The following KCNJ3 variants were observed in gnomAD, a reference collection of about 807,000 sequenced individuals.
KCNJ3 encodes potassium inwardly rectifying channel subfamily J member 3, also known as G protein-activated inward rectifier potassium channel 1.
A neutral mutation model predicts 39.2 loss-of-function variants in KCNJ3; 4 were observed. The observed-to-expected ratio is 0.10, with a 90% CI of 0.05 to 0.23. KCNJ3 has a LOEUF of 0.23. KCNJ3 is among the 10% of genes least tolerant of loss of function. KCNJ3 has a pLI of 1.00. For missense variants in KCNJ3, 276 were observed against 634.9 expected, an observed-to-expected ratio of 0.43 and a Z score of 6.08; for synonymous variants, 230 against 237.4, an observed-to-expected ratio of 0.97 and a Z score of 0.29.
chr2:154,807,874 G>A (rs1686939246), intron 2 of KCNJ3, among the ~76,000 whole-genome samples: 1 of 152,040 alleles, frequency 6.6e-6, no homozygotes, highest in Non-Finnish European at 1.5e-5. Context: ...AAGACAAAAA[G>A]ATCGTTAGTG....
intron 2 of KCNJ3, among the ~76,000 whole-genome samples, chr2:154,828,309 G>A (rs372000464): frequency 2.0e-5 from 3 of 152,258 alleles, no homozygotes; most frequent in African/African-American, 7.2e-5. Context: ...GATATTAAAA[G>A]CTTTAGATAT....
At chr2:154,752,320 A>G (rs977973620) in intron 2 of KCNJ3, among the ~76,000 whole-genome samples, 6 of 152,068 alleles carry the variant, frequency 3.9e-5, no homozygotes. Flanking sequence ...GATGGAAAAA[A>G]ATCAAATCCA....
intron 2 of KCNJ3, among the ~76,000 whole-genome samples, chr2:154,837,270 A>AAAGT (rs35156235): frequency 0.69 from 104,531 of 151,494 alleles, 38,326 homozygotes; most frequent in East Asian, 0.94. Context: ...TTTTTGTGCA[A>AAAGT]AATTCATGAT....
intron 2 of KCNJ3, among the ~76,000 whole-genome samples, chr2:154,739,698 T>G (rs1001672241): frequency 6.6e-6 from 1 of 152,046 alleles, no homozygotes; most frequent in Non-Finnish European, 1.5e-5. Flanking sequence ...ATTGTTTTAA[T>G]ATGGGCAGGG....
At chr2:154,762,186 C>T (rs758603728) in intron 2 of KCNJ3, among the ~76,000 whole-genome samples, 1 of 152,070 alleles carries the variant, frequency 6.6e-6, no homozygotes, top group Non-Finnish European at 1.5e-5. Context: ...TTGATTTAAG[C>T]CATTAAGTTT....
At chr2:154,758,173 G>A (rs774964981) in intron 2 of KCNJ3, among the ~76,000 whole-genome samples, 3 of 152,080 alleles carry the variant, frequency 2.0e-5, no homozygotes, top group Non-Finnish European at 4.4e-5. Context: ...AGGGCTTTTG[G>A]TGGGGAATCT....
chr2:154,721,911 T>C (rs1685268485), intron 2 of KCNJ3, among the ~76,000 whole-genome samples: 1 of 152,190 alleles, frequency 6.6e-6, no homozygotes, highest in Non-Finnish European at 1.5e-5. Context: ...TCATTACCAA[T>C]AATGTTTCAG....
intron 2 of KCNJ3, among the ~76,000 whole-genome samples, chr2:154,785,151 A>G (rs1390201727): frequency 6.6e-6 from 1 of 152,204 alleles, no homozygotes; most frequent in Non-Finnish European, 1.5e-5. Context: ...GCTAAATAAA[A>G]TGTGTAATTT....
chr2:154,843,553 C>G (rs1687615285), intron 2 of KCNJ3, among the ~76,000 whole-genome samples: 1 of 152,154 alleles, frequency 6.6e-6, no homozygotes, highest in Non-Finnish European at 1.5e-5. Context: ...GTTCCATTCT[C>G]CCCATCACTT....
Position 154,795,094 on chromosome 2 carries a change from G to A in KCNJ3, c.920-59633G>A, listed in dbSNP as rs1686699827. On this transcript the variant is annotated intron_variant, in intron 2 of 2. Transcript: ENST00000295101. Reference sequence around the variant, plus strand: ...TAAGGAATCTTCATCAAGGAAAACTGTTCTCTTAGTAACATTTACATGTAT... The same window carrying A: ...TAAGGAATCTTCATCAAGGAAAACTATTCTCTTAGTAACATTTACATGTAT... 2.0e-5 allele frequency among the ~76,000 whole-genome samples: 3 copies of A among 152,080 alleles called. No homozygotes were observed. The South Asian group carries it at 6.2e-4, about 32-fold the overall frequency.
At chr2:154,816,740 T>A (rs1022120223) in intron 2 of KCNJ3, among the ~76,000 whole-genome samples, 1 of 152,172 alleles carries the variant, frequency 6.6e-6, no homozygotes, top group African/African-American at 2.4e-5. Flanking sequence ...TCAGTTTATG[T>A]AAGCCTTAGG....
intron 2 of KCNJ3, among the ~76,000 whole-genome samples, chr2:154,733,619 A>G (rs1032767452): frequency 6.6e-6 from 1 of 152,154 alleles, no homozygotes; most frequent in Non-Finnish European, 1.5e-5. Flanking sequence ...TGAAAGGTTG[A>G]AGCCCCAAAG....
At chr2:154,742,754 CTCTA>C (rs1685673619) in intron 2 of KCNJ3, among the ~76,000 whole-genome samples, 3 of 151,766 alleles carry the variant, frequency 2.0e-5, no homozygotes, top group Admixed American at 6.6e-5. Context: ...TAGGAATTCT[CTCTA>C]TACATCAGAT....
At chr2:154,718,641 C>A (rs766429476) in intron 2 of KCNJ3, among the ~76,000 whole-genome samples, 10 of 152,210 alleles carry the variant, frequency 6.6e-5, no homozygotes, top group Middle Eastern at 3.4e-3. Flanking sequence ...GTGTATTCCA[C>A]CATTTCCTTA....
At chr2:154,737,545 A>T (rs1685569650) in intron 2 of KCNJ3, among the ~76,000 whole-genome samples, 1 of 152,198 alleles carries the variant, frequency 6.6e-6, no homozygotes, top group Non-Finnish European at 1.5e-5. Flanking sequence ...TAAGACAGTT[A>T]TTAAAACTAT....
chr2:154,749,918 C>A (rs1685809330), intron 2 of KCNJ3, among the ~76,000 whole-genome samples: 1 of 151,844 alleles, frequency 6.6e-6, no homozygotes, highest in Non-Finnish European at 1.5e-5. Context: ...ATAACAATCT[C>A]CCTATCTCCA....
intron 2 of KCNJ3, among the ~76,000 whole-genome samples, chr2:154,735,919 G>T (rs1685521868): frequency 6.6e-6 from 1 of 152,054 alleles, no homozygotes; most frequent in African/African-American, 2.4e-5. Flanking sequence ...AATTGTTATG[G>T]CTTGGATTTA....
intron 2 of KCNJ3, among the ~76,000 whole-genome samples, chr2:154,792,828 C>T (rs1198669245): frequency 2.0e-5 from 3 of 152,106 alleles, no homozygotes; most frequent in Non-Finnish European, 4.4e-5. Context: ...GTCAACCATA[C>T]TTCAATCCAC....
intron 2 of KCNJ3, among the ~76,000 whole-genome samples, chr2:154,785,860 T>G (rs1350068388): frequency 6.6e-6 from 1 of 152,170 alleles, no homozygotes; most frequent in Non-Finnish European, 1.5e-5. Flanking sequence ...TAATTACCTA[T>G]TTAATGTCCT....
Sources: gnomAD v4.1 joint callset for allele counts (sites outside exome capture counted in the v4.1 genomes callset) on GRCh38, gnomAD v4.1.1 for gene constraint, MANE v1.5 for transcripts, NCBI Gene and HGNC (gene_info 2026-07-23, HGNC 2026-07-21) for gene names.